The following TANK variants were observed in gnomAD, a reference collection of about 807,000 sequenced individuals.
The protein encoded by TANK is TRAF family member-associated NF-kappa-B activator.
A neutral mutation model predicts 43.6 loss-of-function variants in TANK; 15 were observed. That is an observed-to-expected ratio of 0.34 (90% CI 0.23 to 0.53). The LOEUF is 0.53. TANK is among the 20% of genes least tolerant of loss of function. TANK has a pLI of 0.94. For synonymous variants in TANK, 162 were observed against 178.2 expected, an observed-to-expected ratio of 0.91 and a Z score of 0.73; for missense variants, 417 against 498.6, an observed-to-expected ratio of 0.84 and a Z score of 1.56.
intron 2 of TANK, among the ~76,000 whole-genome samples, chr2:161,196,678 A>G (rs1183069866): frequency 1.3e-5 from 2 of 152,128 alleles, no homozygotes; most frequent in Non-Finnish European, 2.9e-5. Flanking sequence ...AACATGGTGA[A>G]ATCTTGTCTC....
chr2:161,212,249 C>T (rs1008714773), intron 4 of TANK: 7 of 433,862 alleles, frequency 1.6e-5, no homozygotes, highest in African/African-American at 4.3e-5. Flanking sequence ...TTAGTAGAGA[C>T]GGGGTTTCAC....
intron 4 of TANK, among the ~76,000 whole-genome samples, chr2:161,206,109 T>C (rs1045604754): frequency 6.6e-6 from 1 of 151,934 alleles, no homozygotes; most frequent in East Asian, 1.9e-4. Flanking sequence ...AAAGGAATAA[T>C]GAGGGCTTCA....
At chr2:161,188,386 A>G (rs1196017711) in intron 2 of TANK, among the ~76,000 whole-genome samples, 10 of 152,170 alleles carry the variant, frequency 6.6e-5, no homozygotes. Flanking sequence ...AAAATATCAT[A>G]AAAGAGTGCT....
chr2:161,189,585 G>A (rs938325952), intron 2 of TANK, among the ~76,000 whole-genome samples: 4 of 152,022 alleles, frequency 2.6e-5, no homozygotes, highest in Admixed American at 1.3e-4. Context: ...AATTGGATAC[G>A]AAGAAATAAA....
rs76533063 is a variant in TANK at position 161,152,906 on chromosome 2, C to T, written c.-50+15843C>T. On this transcript the variant is annotated intron_variant, in intron 1 of 7. Transcript: ENST00000259075. ...TGTGGATTTTTTTGAGTCTATTCTA[C>T]TTAGAGTTCATTGAGCAACTTGAAT... is the stretch of plus-strand genomic sequence containing the variant. Among the ~76,000 whole-genome samples the T allele has an allele frequency of 8.0e-3, 1,213 of 152,148 alleles. 11 individuals are homozygous for T. The highest frequency in any genetic ancestry group is 0.027 in the Middle Eastern group (8 of 294).
intron 1 of TANK, among the ~76,000 whole-genome samples, chr2:161,151,071 C>T (rs76362941): frequency 0.038 from 5,815 of 152,234 alleles, 240 homozygotes; most frequent in East Asian, 0.19. Flanking sequence ...TTAATTTGCA[C>T]ATATTTGTAA....
upstream of TANK, among the ~76,000 whole-genome samples, chr2:161,157,153 A>G (rs960367951): frequency 2.0e-5 from 3 of 152,206 alleles, no homozygotes; most frequent in Non-Finnish European, 4.4e-5. Context: ...TAGCTTCCTT[A>G]CTATCCTTCC....
At chr2:161,203,428 G>A in intron 2 of TANK, 59 bp from the exon 3 acceptor site, 1 of 1,131,558 alleles carries the variant, frequency 8.8e-7, no homozygotes, top group South Asian at 1.4e-5. Context: ...TCAATGGATG[G>A]TAAATATATG....
intron 1 of TANK, among the ~76,000 whole-genome samples, chr2:161,168,599 G>T (rs925688955): frequency 5.9e-5 from 9 of 152,172 alleles, no homozygotes; most frequent in African/African-American, 2.2e-4. Flanking sequence ...TTGGGAGGCC[G>T]AGGCAGGCAG....
rs56041829 is a variant in TANK at position 161,231,271 on chromosome 2, G to C, written c.821G>C (p.Arg274Thr). 1.2e-6 allele frequency: 2 copies of C among 1,614,052 alleles called. No individual in the cohort carries two copies. Among genetic ancestry groups the C allele is most frequent in the Non-Finnish European group, 1.7e-6 (2 of 1,180,014 alleles). ...VCQEKFNMEF[R>T]DNPGNFVKTE... Reference sequence around the variant, plus strand: ...CAAGAGAAATTTAATATGGAGTTCAGAGACAACCCAGGGAACTTTGTTAAA... The same window carrying C: ...CAAGAGAAATTTAATATGGAGTTCACAGACAACCCAGGGAACTTTGTTAAA... The change falls in exon 7 of 8, where the codon AGA (arginine) becomes ACA (threonine). Residue 274 changes from arginine to threonine, a missense_variant. Transcript: ENST00000392749.
At chr2:161,209,752 T>C (rs1686797607) in intron 4 of TANK, among the ~76,000 whole-genome samples, 1 of 152,216 alleles carries the variant, frequency 6.6e-6, no homozygotes, top group East Asian at 1.9e-4. Context: ...AAATTATTTT[T>C]CTTCATTTAT....
At chr2:161,179,391 G>A (rs777754041) in intron 1 of TANK, 9 of 403,404 alleles carry the variant, frequency 2.2e-5, no homozygotes, top group African/African-American at 2.1e-5. Context: ...TTCCTGAACC[G>A]GAACCCCACT....
intron 1 of TANK, among the ~76,000 whole-genome samples, chr2:161,154,629 A>G (rs1481818858): frequency 2.6e-5 from 4 of 152,334 alleles, no homozygotes; most frequent in Non-Finnish European, 1.5e-5. Context: ...GAGTACTCAC[A>G]TGATGTACCT....
intron 6 of TANK, 127 bp from the exon 7 acceptor site, chr2:161,230,844 C>T (rs1044310741): frequency 2.6e-5 from 19 of 744,408 alleles, no homozygotes; most frequent in Non-Finnish European, 3.9e-5. Context: ...ATTTTAAAAT[C>T]CCAGTTGTCT....
At position 161,204,736 on chromosome 2, in the gene TANK, T is replaced by C. The variant is rs746810044; in HGVS notation, c.270T>C (p.Thr90=). 10 of 1,608,194 alleles carry C rather than the reference T, an allele frequency of 6.2e-6. No individual in the cohort carries two copies. Among genetic ancestry groups the C allele is most frequent in the Admixed American group, 3.4e-5 (2 of 58,742 alleles). Residue 90 remains threonine, a synonymous_variant, in exon 4 of 8, where the codon ACT becomes ACC. Transcript: ENST00000392749. Reference sequence around the variant, plus strand: ...GTGAAACAAGAAAGAATAATTTGACTCTTGATCAGCCACAAGATAAAGTGA... The same window carrying C: ...GTGAAACAAGAAAGAATAATTTGACCCTTGATCAGCCACAAGATAAAGTGA... The part of the protein sequence containing the change: ...EDSETRKNNL[T]LDQPQDKVIS...
At chr2:161,219,125 A>G (rs564421015) in intron 4 of TANK, among the ~76,000 whole-genome samples, 1 of 152,340 alleles carries the variant, frequency 6.6e-6, no homozygotes, top group South Asian at 2.1e-4. Flanking sequence ...GACTTAGAAG[A>G]CAGATAGTAG....
chr2:161,183,412 A>T (rs1345005121), intron 2 of TANK, among the ~76,000 whole-genome samples: 1 of 151,968 alleles, frequency 6.6e-6, no homozygotes, highest in African/African-American at 2.4e-5. Context: ...AAAGCAAAAA[A>T]CTCAACGTTC....
chr2:161,219,991 G>T, intron 4 of TANK: 1 of 207,740 alleles, frequency 4.8e-6, no homozygotes, highest in Non-Finnish European at 9.9e-6. Flanking sequence ...CTTACTTCTT[G>T]GTTTACATTG....
chr2:161,231,374 A>G lies in TANK; in HGVS notation c.924A>G (p.Lys308=), dbSNP rs1221797144. The change falls in exon 7 of 8, where the codon AAA becomes AAG. Residue 308 remains lysine, a synonymous_variant. Coordinates refer to ENST00000392749, the MANE Select transcript of TANK (RefSeq NM_001199135.3). Reference sequence around the variant, plus strand: ...TACAAAACCTTAAAACAACTGACAAAACAAAGCCCTCAAATCTCGTAAACA... The same window carrying G: ...TACAAAACCTTAAAACAACTGACAAGACAAAGCCCTCAAATCTCGTAAACA... The part of the protein sequence containing the change: ...SAIQNLKTTD[K]TKPSNLVNTC... 1 of 1,614,168 alleles carries G rather than the reference A, an allele frequency of 6.2e-7. No homozygotes were observed. The highest frequency in any genetic ancestry group is 2.2e-5 in the East Asian group (1 of 44,884).
Sources: allele counts gnomAD v4.1 joint callset (sites outside exome capture counted in the v4.1 genomes callset), GRCh38; gene constraint gnomAD v4.1.1; transcripts MANE v1.5; gene names NCBI Gene and HGNC (gene_info 2026-07-23, HGNC 2026-07-21).